Variants in BRD4 observed in about 807,000 individuals in gnomAD.
BRD4 encodes the protein bromodomain containing 4, also known as bromodomain-containing protein 4.
Under a neutral mutation model 142.1 loss-of-function variants are expected in BRD4, and 16 were observed. The ratio of observed to expected loss-of-function variants is 0.11; its 90% CI spans 0.08 to 0.17. BRD4 has a LOEUF of 0.17. BRD4 is among the 10% of genes least tolerant of loss of function. The pLI, the probability that BRD4 is intolerant of heterozygous loss-of-function variation, is 1.00. For missense variants in BRD4, 1,424 were observed against 1,810.9 expected (o/e 0.79, Z 3.88); for synonymous variants, 833 against 707.5 (o/e 1.18, Z -2.82).
At chr19:15,289,000 C>T (rs2047761261) in intron 1 of BRD4, among the ~76,000 whole-genome samples, 1 of 152,210 alleles carries the variant, frequency 6.6e-6, no homozygotes, top group African/African-American at 2.4e-5. Context: ...CAGCTACAGT[C>T]TCTTGGTCCA....
At chr19:15,315,628 G>A (rs1328075076) in intron 1 of BRD4, among the ~76,000 whole-genome samples, 1 of 152,164 alleles carries the variant, frequency 6.6e-6, no homozygotes, top group African/African-American at 2.4e-5. Flanking sequence ...GACCAGGCAC[G>A]TGAATCACTT....
Position 15,264,558 on chromosome 19 carries a change from T to C in BRD4, c.1058A>G (p.Gln353Arg). Residue 353 changes from glutamine (Q) to arginine (R), a missense_variant, in exon 6 of 20, where the codon CAG becomes CGG. Transcript: ENST00000679869. ...GAGGATGCCGCTGCAGCACTTGAGC[T>C]GCTCCGAGACCTTGCTGCTCTTCTC... is the stretch of plus-strand genomic sequence containing the variant. The part of the protein sequence containing the change: ...APEKSSKVSE[Q>R]LKCCSGILKE... The C allele has an allele frequency of 6.2e-7, 1 of 1,614,248 alleles. No individual in the cohort carries two copies. Among genetic ancestry groups the C allele is most frequent in the East Asian group, 2.2e-5 (1 of 44,878 alleles).
Position 15,240,034 on chromosome 19 carries a change from G to A in BRD4, c.3170-12C>T, listed in dbSNP as rs1321915583. The stretch of plus-strand genomic sequence containing the variant: ...TTCGCGGAGGTGACCTAGGAGAAGG[G>A]ACAAGGAATGTGTCAAGGGGCTGGC... On this transcript the variant is annotated splice_polypyrimidine_tract_variant and intron_variant, in intron 14 of 19. Transcript: ENST00000679869. 4 of 1,603,160 alleles carry A rather than the reference G, an allele frequency of 2.5e-6. No homozygotes were observed. The highest frequency in any genetic ancestry group is 1.7e-5 in the Admixed American group (1 of 59,320).
At position 15,264,487 on chromosome 19, in the gene BRD4, A is replaced by G; in HGVS notation, c.1129T>C (p.Tyr377His). Residue 377 changes from tyrosine (Y) to histidine (H), a missense_variant, in exon 6 of 20, where the codon TAC (tyrosine) becomes CAC (histidine). This residue lies in a region of BRD4 where 30 missense variants were observed against 65.2 expected (regional missense o/e 0.46). Coordinates refer to ENST00000679869, the MANE Select transcript of BRD4 (RefSeq NM_001379291.1). The stretch of plus-strand genomic sequence containing the variant: ...AGTGCCTCCACGTCCACAGGCTTGT[A>G]GAAGGGCCAGGCGTAGGCGGCGTGC... Reference protein sequence around the residue: ...KKHAAYAWPFYKPVDVEALGL... With the variant: ...KKHAAYAWPFHKPVDVEALGL... 6.2e-7 allele frequency: 1 copy of G among 1,613,068 alleles called. No homozygotes were observed. Among genetic ancestry groups the G allele is most frequent in the Non-Finnish European group, 8.5e-7 (1 of 1,179,716 alleles).
intron 1 of BRD4, among the ~76,000 whole-genome samples, chr19:15,331,594 T>C (rs1329855950): frequency 6.6e-6 from 1 of 152,112 alleles, no homozygotes; most frequent in Non-Finnish European, 1.5e-5. Flanking sequence ...CAGACCGGCG[T>C]GCAGCCGCAG....
chr19:15,276,829 T>C (rs1051153997), intron 1 of BRD4, among the ~76,000 whole-genome samples: 27 of 152,054 alleles, frequency 1.8e-4, no homozygotes, highest in Admixed American at 5.9e-4. Flanking sequence ...TTCTCCCGAG[T>C]GATTAGGCAA....
chr19:15,318,859 G>T (rs959855156), intron 1 of BRD4, among the ~76,000 whole-genome samples: 3 of 152,194 alleles, frequency 2.0e-5, no homozygotes, highest in African/African-American at 7.2e-5. Flanking sequence ...TTATCCCCAG[G>T]AAAGAGCACA....
At chr19:15,311,267 G>A (rs2047967942) in intron 1 of BRD4, among the ~76,000 whole-genome samples, 2 of 151,982 alleles carry the variant, frequency 1.3e-5, no homozygotes, top group African/African-American at 4.8e-5. Context: ...ACTCCAGCCT[G>A]GGCAACAGAG....
At chr19:15,248,964 T>A (rs542060259) in intron 11 of BRD4, 3 of 488,392 alleles carry the variant, frequency 6.1e-6, no homozygotes, top group Non-Finnish European at 1.1e-5. Flanking sequence ...GTGTTGGGGA[T>A]TGTCATCACC....
At chr19:15,312,138 G>A (rs1354481782) in intron 1 of BRD4, among the ~76,000 whole-genome samples, 1 of 152,208 alleles carries the variant, frequency 6.6e-6, no homozygotes, top group Non-Finnish European at 1.5e-5. Context: ...GCCCTCACAG[G>A]GCTGGGTCAA....
chr19:15,292,508 G>A (rs1184110139), intron 1 of BRD4, among the ~76,000 whole-genome samples: 2 of 152,304 alleles, frequency 1.3e-5, no homozygotes, highest in East Asian at 3.9e-4. Context: ...GCCGGGCGCA[G>A]TGGCTCACGC....
chr19:15,295,622 A>G (rs1239382196), intron 1 of BRD4, among the ~76,000 whole-genome samples: 3 of 152,272 alleles, frequency 2.0e-5, no homozygotes, highest in East Asian at 1.9e-4. Flanking sequence ...AACTAATGTA[A>G]TAAGACAAGA....
intron 1 of BRD4, among the ~76,000 whole-genome samples, chr19:15,298,409 G>A (rs372377520): frequency 4.6e-5 from 7 of 151,800 alleles, no homozygotes; most frequent in East Asian, 1.9e-4. Flanking sequence ...AGGCTGAGGC[G>A]GGCAGATCAC....
Position 15,237,263 on chromosome 19 carries a change from A to AGGGGGGG in BRD4, c.*1113_*1114insCCCCCCC, listed in dbSNP as rs2047200739. 2.8e-5 allele frequency: 1 copy of AGGGGGGG among 36,050 alleles called. No individual in the cohort carries two copies. Among genetic ancestry groups the AGGGGGGG allele is most frequent in the African/African-American group, 1.6e-4 (1 of 6,404 alleles). The allele number at this position is 36,050 out of a possible 1,614,324, so 2.2% of individuals were successfully genotyped here. ...AAATGGGTGGGGGGGGGGGGGGTGG[A>AGGGGGGG]GGGGAAAGAAAAGAAATTGTAGCTT... On this transcript the variant is annotated 3_prime_UTR_variant, in exon 20 of 20. Transcript: ENST00000679869.
intron 1 of BRD4, among the ~76,000 whole-genome samples, chr19:15,299,629 A>G (rs2047851685): frequency 6.6e-6 from 1 of 152,152 alleles, no homozygotes; most frequent in Admixed American, 6.5e-5. Context: ...AGAGACACAC[A>G]CAGAACAGGG....
rs149293851 is a variant in BRD4 at position 15,247,467 on chromosome 19, C to T, written c.2159-2705G>A. The T allele has an allele frequency of 1.7e-5, 4 of 233,034 alleles. No individual in the cohort carries two copies. The East Asian group carries it at 2.4e-4, about 14-fold the overall frequency. 14.4% of individuals were successfully genotyped at this position (233,034 alleles called of 1,614,324 possible). Reference sequence around the variant, plus strand: ...CTGAACGTTCTCTGCCAGATGGAAGCCCCACGGGCAAGAAGGACAGGGTCC... The same window carrying T: ...CTGAACGTTCTCTGCCAGATGGAAGTCCCACGGGCAAGAAGGACAGGGTCC... On this transcript the variant is annotated intron_variant, in intron 11 of 19. Transcript: ENST00000679869.
rs2145604757 is a variant in BRD4 at position 15,265,687 on chromosome 19, T to C, written c.560-44A>G. On this transcript the variant is annotated intron_variant, in intron 4 of 19. Transcript: ENST00000679869. Reference sequence around the variant, plus strand: ...CGGCGAGTTAGAGACCATGCTGACATCCACATGCTGGCTGACCTCGTGGGG... The same window carrying C: ...CGGCGAGTTAGAGACCATGCTGACACCCACATGCTGGCTGACCTCGTGGGG... The C allele has an allele frequency of 1.9e-6, 3 of 1,606,214 alleles. No homozygotes were observed. In the East Asian group the frequency reaches 6.7e-5, roughly 36 times the overall value.
At chr19:15,327,489 G>A (rs1005786218) in intron 1 of BRD4, among the ~76,000 whole-genome samples, 6 of 151,840 alleles carry the variant, frequency 4.0e-5, no homozygotes, top group Admixed American at 3.9e-4. Flanking sequence ...GGCTGCAGTG[G>A]GCTGAGATCG....
At chr19:15,308,173 G>A (rs1207116355) in intron 1 of BRD4, among the ~76,000 whole-genome samples, 4 of 73,232 alleles carry the variant, frequency 5.5e-5, no homozygotes, top group African/African-American at 2.3e-4. Context: ...GGTGGGTCGC[G>A]TAGTGAAGAA....
Sources: allele counts gnomAD v4.1 joint callset (sites outside exome capture counted in the v4.1 genomes callset), GRCh38; gene constraint gnomAD v4.1.1; regional missense constraint gnomAD v4.1.1; transcripts MANE v1.5; gene names NCBI Gene and HGNC (gene_info 2026-07-23, HGNC 2026-07-21).